The following PARPBP variants were observed in gnomAD, a reference collection of about 807,000 sequenced individuals.
The protein encoded by PARPBP is PCNA-interacting partner.
PARPBP carries 52 observed loss-of-function variants against 50.0 expected under a neutral mutation model. That is an observed-to-expected ratio of 1.04 (90% CI 0.83 to 1.31). PARPBP has a LOEUF of 1.31. PARPBP is among the 50% of genes most tolerant of loss of function. The pLI, the probability that PARPBP is intolerant of heterozygous loss-of-function variation, is 0.00. For missense variants in PARPBP, 697 were observed against 672.0 expected, an observed-to-expected ratio of 1.04 and a Z score of -0.41; for synonymous variants, 244 against 232.1, an observed-to-expected ratio of 1.05 and a Z score of -0.47.
Position 102,166,783 on chromosome 12 carries a change from A to AT in PARPBP, c.821+908dup, listed in dbSNP as rs534554050. ...ATTCCATTCTAAGATTCTAAGAAGGATTTTTTTTCAGGATTTTATTCTGAA... is the reference window on the plus strand; with the variant it reads ...ATTCCATTCTAAGATTCTAAGAAGGATTTTTTTTTCAGGATTTTATTCTGAA... On this transcript the variant is annotated intron_variant, in intron 6 of 10. Coordinates refer to ENST00000327680, the MANE Select transcript of PARPBP (RefSeq NM_017915.5). 2.6e-4 allele frequency among the ~76,000 whole-genome samples: 40 copies of AT among 151,934 alleles called. 1 individual carries two copies. In the South Asian group the frequency reaches 6.7e-3, roughly 25 times the overall value.
intron 9 of PARPBP, among the ~76,000 whole-genome samples, chr12:102,193,198 C>T (rs1027876615): frequency 6.6e-6 from 1 of 151,602 alleles, no homozygotes; most frequent in Non-Finnish European, 1.5e-5. Context: ...TGACTATTTG[C>T]ATAGCAAGCA....
chr12:102,157,804 T>G (rs1887117107), intron 4 of PARPBP, among the ~76,000 whole-genome samples: 1 of 151,922 alleles, frequency 6.6e-6, no homozygotes, highest in African/African-American at 2.4e-5. Context: ...CTTGAATCAG[T>G]TATTTCTGTA....
At chr12:102,195,648 A>C (rs753441453) in intron 10 of PARPBP, among the ~76,000 whole-genome samples, 1 of 151,776 alleles carries the variant, frequency 6.6e-6, no homozygotes, top group Non-Finnish European at 1.5e-5. Flanking sequence ...ATTTAACTAA[A>C]TGTATTTAAG....
rs748821584 is a variant in PARPBP, at chr12:102,153,938, A to G, written c.457A>G (p.Thr153Ala). ...TGATGAAACTGATCTTTCTATACCAACATCACCAACAAGTAAATACAACCG... is the reference window on the plus strand; with the variant it reads ...TGATGAAACTGATCTTTCTATACCAGCATCACCAACAAGTAAATACAACCG... ...VGDETDLSIP[T>A]SPTSKYNRDN... The change falls in exon 4 of 11, where the codon ACA (threonine) becomes GCA (alanine). Residue 153 changes from threonine (T) to alanine (A), a missense_variant. Transcript: ENST00000327680. The G allele has an allele frequency of 2.5e-6, 4 of 1,607,746 alleles. No individual in the cohort carries two copies. Among genetic ancestry groups the G allele is most frequent in the East Asian group, 4.5e-5 (2 of 44,826 alleles).
chr12:102,142,874 C>G (rs1428325146), intron 2 of PARPBP, among the ~76,000 whole-genome samples: 1 of 152,192 alleles, frequency 6.6e-6, no homozygotes, highest in African/African-American at 2.4e-5. Context: ...GAGGGACACC[C>G]GGCCGTATGA....
At chr12:102,158,500 T>C (rs554381660) in intron 4 of PARPBP, among the ~76,000 whole-genome samples, 2 of 152,350 alleles carry the variant, frequency 1.3e-5, no homozygotes, top group Middle Eastern at 3.4e-3. Flanking sequence ...TTCAAGCATT[T>C]TCCTCTTTTC....
chr12:102,152,933 CAAAA>C (rs80188087), intron 3 of PARPBP, among the ~76,000 whole-genome samples: 6 of 80,474 alleles, frequency 7.5e-5, no homozygotes, highest in East Asian at 7.2e-4. Flanking sequence ...AACAGTAAAA[CAAAA>C]AAAAAAAAAA....
intron 2 of PARPBP, among the ~76,000 whole-genome samples, chr12:102,138,220 C>T (rs1451347594): frequency 1.3e-5 from 2 of 152,194 alleles, no homozygotes; most frequent in African/African-American, 2.4e-5. Context: ...GATGGTATCT[C>T]ATCGTGGTTT....
chr12:102,178,002 A>G (rs1315032813), intron 7 of PARPBP, among the ~76,000 whole-genome samples: 2 of 152,196 alleles, frequency 1.3e-5, no homozygotes, highest in Non-Finnish European at 2.9e-5. Flanking sequence ...CTTATTAGAA[A>G]TAGCACTTAG....
At chr12:102,126,269 G>A (rs1281817301) in intron 2 of PARPBP, among the ~76,000 whole-genome samples, 3 of 152,160 alleles carry the variant, frequency 2.0e-5, no homozygotes, top group Admixed American at 2.0e-4. Context: ...CCAGGGAGTA[G>A]TAGATGCCTT....
At chr12:102,171,850 C>A (rs1432147884) in intron 6 of PARPBP, among the ~76,000 whole-genome samples, 5 of 147,002 alleles carry the variant, frequency 3.4e-5, no homozygotes, top group African/African-American at 1.3e-4. Context: ...GCCTGGGCAA[C>A]AGAACGAGAC....
In PARPBP at chr12:102,148,403, T is replaced by C. The variant is rs143799695; in HGVS notation, c.327T>C (p.Asp109=). Residue 109 remains aspartate, a synonymous_variant, in exon 3 of 11, where the codon GAT becomes GAC. Coordinates refer to ENST00000327680, the MANE Select transcript of PARPBP (RefSeq NM_017915.5). ...ACAGTAATATGTTAGATCTGATTGA[T>C]GTTTATCAAAAATGTAGGGCTTTGA... ...LKNSNMLDLI[D]VYQKCRALTS... is the part of the protein sequence containing the mutation. 2,547 of 1,574,174 alleles carry C rather than the reference T, an allele frequency of 1.6e-3. 3 individuals carry two copies. The highest frequency in any genetic ancestry group is 1.9e-3 in the Non-Finnish European group (2,190 of 1,145,208).
In PARPBP at chr12:102,124,043, T is replaced by A. The variant is rs1881572674; in HGVS notation, c.153+2T>A. ...TCTATGGCGGAGAACAACAAACAGGTTGGTAAACTATATTTGGGTTAACTT... is the reference window on the plus strand; with the variant it reads ...TCTATGGCGGAGAACAACAAACAGGATGGTAAACTATATTTGGGTTAACTT... On this transcript the variant is annotated splice_donor_variant, in intron 2 of 10. Transcript: ENST00000327680. LOFTEE classifies it high-confidence loss of function. 6.5e-7 allele frequency: 1 copy of A among 1,532,294 alleles called. No homozygotes were observed. The highest frequency in any genetic ancestry group is 1.2e-5 in the South Asian group (1 of 83,534). 94.9% of individuals were successfully genotyped at this position (1,532,294 alleles called of 1,614,324 possible).
intron 8 of PARPBP, 125 bp from the exon 9 acceptor site, chr12:102,182,424 G>A (rs1889913433): frequency 3.1e-6 from 2 of 646,506 alleles, no homozygotes; most frequent in East Asian, 2.7e-5. Context: ...TATCTGGGAG[G>A]TAACCCCATC....
At chr12:102,128,388 C>T (rs1189622445) in intron 2 of PARPBP, among the ~76,000 whole-genome samples, 2 of 152,146 alleles carry the variant, frequency 1.3e-5, no homozygotes, top group Non-Finnish European at 2.9e-5. Flanking sequence ...CCCGCCACCA[C>T]ACCCGGCTAA....
rs749609332 is a variant in PARPBP, at chr12:102,195,303, T to C, written c.1264-9T>C. 8.1e-6 allele frequency: 12 copies of C among 1,474,596 alleles called. No individual in the cohort carries two copies. The highest frequency in any genetic ancestry group is 1.1e-5 in the Non-Finnish European group (12 of 1,086,502). 91.3% of individuals were successfully genotyped at this position (1,474,596 alleles called of 1,614,324 possible). Reference sequence around the variant, plus strand: ...ATTTGCATATTTTCTTCTTTCTTTCTGTTACTAGATGAAGCAAACTTTAAT... The same window carrying C: ...ATTTGCATATTTTCTTCTTTCTTTCCGTTACTAGATGAAGCAAACTTTAAT... On this transcript the variant is annotated splice_polypyrimidine_tract_variant and intron_variant, in intron 9 of 10. Coordinates refer to ENST00000327680, the MANE Select transcript of PARPBP (RefSeq NM_017915.5).
chr12:102,168,616 G>A (rs1229129201), intron 6 of PARPBP, among the ~76,000 whole-genome samples: 1 of 152,132 alleles, frequency 6.6e-6, no homozygotes, highest in Non-Finnish European at 1.5e-5. Context: ...AATAGAAGGT[G>A]TACAGAGGAA....
chr12:102,156,176 C>CTTTTTTTTTTTTTTTTT lies in PARPBP; in HGVS notation c.495+2212_495+2228dup, dbSNP rs869213784. ...CATATTTGGCTCAGAATTAACCTTC[C>CTTTTTTTTTTTTTTTTT]TTTTTTTTTTTTTTTTTTTTTTTTT... is the stretch of plus-strand genomic sequence containing the variant. On this transcript the variant is annotated intron_variant, in intron 4 of 10. Transcript: ENST00000327680. Among the ~76,000 whole-genome samples the CTTTTTTTTTTTTTTTTT allele has an allele frequency of 6.0e-5, 4 of 66,176 alleles. 1 individual carries two copies. The highest frequency in any genetic ancestry group is 2.7e-4 in the African/African-American group (4 of 14,768). 43.4% of individuals were successfully genotyped at this position (66,176 alleles called of 152,430 possible). A position where few individuals can be genotyped will look rare whatever the true frequency, so the allele number is the denominator to read the frequency against.
chr12:102,178,521 A>T (rs1889509932), intron 7 of PARPBP, 71 bp from the exon 8 acceptor site: 1 of 900,520 alleles, frequency 1.1e-6, no homozygotes, highest in African/African-American at 1.7e-5. Flanking sequence ...TGCCACAGGG[A>T]ATTTAAAAGT....
Sources: gnomAD v4.1 joint callset for allele counts (sites outside exome capture counted in the v4.1 genomes callset) on GRCh38, gnomAD v4.1.1 for gene constraint, MANE v1.5 for transcripts, NCBI Gene and HGNC (gene_info 2026-07-23, HGNC 2026-07-21) for gene names.